Variants in OSBPL8 observed in about 807,000 individuals in gnomAD.
OSBPL8 encodes oxysterol binding protein like 8, also known as oxysterol-binding protein-related protein 8.
Under a neutral mutation model 125.5 loss-of-function variants are expected in OSBPL8, and 59 were observed. The observed-to-expected ratio is 0.47, with a 90% confidence interval of 0.38 to 0.58. The LOEUF (loss-of-function observed/expected upper bound fraction) is 0.58. Among genes scored for constraint, OSBPL8 ranks in the 20% least tolerant of loss-of-function variants. The pLI is 0.00. For synonymous variants in OSBPL8, 330 were observed against 338.9 expected, an observed-to-expected ratio of 0.97 and a Z score of 0.29; for missense variants, 758 against 1,047.8, an observed-to-expected ratio of 0.72 and a Z score of 3.82.
At position 76,550,739 on chromosome 12, in the gene OSBPL8, GAAGA is replaced by G. The variant is rs1446839994; in HGVS notation, c.-68+8654_-68+8657del. On this transcript the variant is annotated intron_variant, in intron 1 of 23. Transcript: ENST00000261183. ...AATAAAAAGTACAGCTACTGGTTTA[GAAGA>G]AATAATCACAAGGTAATAAATGGAA... 5.9e-5 allele frequency among the ~76,000 whole-genome samples: 9 copies of G among 152,294 alleles called. No homozygotes were observed. The East Asian group carries it at 1.5e-3, about 26-fold the overall frequency.
chr12:76,471,036 A>G (rs937051897), intron 2 of OSBPL8, among the ~76,000 whole-genome samples: 2 of 152,178 alleles, frequency 1.3e-5, no homozygotes, highest in African/African-American at 2.4e-5. Flanking sequence ...AGATGAGTTT[A>G]TAACCCAAAA....
At chr12:76,532,454 T>C (rs557144755) in intron 1 of OSBPL8, among the ~76,000 whole-genome samples, 21 of 152,322 alleles carry the variant, frequency 1.4e-4, no homozygotes, top group African/African-American at 5.1e-4. Context: ...AATGAATGCT[T>C]ATATGTATTA....
Position 76,390,614 on chromosome 12 carries a change from C to G in OSBPL8, c.973G>C (p.Asp325His). ...EIERQHFKDQ[D>H]MYSDKSDKEN... ...TTATCAGATTTATCAGAATACATAT[C>G]TTGGTCCTTAAAATGTTGTCGTTCA... Residue 325 changes from aspartate (D) to histidine (H), a missense_variant, in exon 11 of 24, where the codon GAT becomes CAT. By Grantham distance (81) the Asp-to-His change is moderately conservative. Coordinates refer to ENST00000261183, the MANE Select transcript of OSBPL8 (RefSeq NM_020841.5). The G allele has an allele frequency of 6.2e-7, 1 of 1,613,478 alleles. No homozygotes were observed. Among genetic ancestry groups the G allele is most frequent in the Non-Finnish European group, 8.5e-7 (1 of 1,179,704 alleles).
At chr12:76,521,759 CAG>C (rs1344996897) in intron 1 of OSBPL8, among the ~76,000 whole-genome samples, 1 of 152,022 alleles carries the variant, frequency 6.6e-6, no homozygotes, top group African/African-American at 2.4e-5. Flanking sequence ...ATTGTAGAGA[CAG>C]AAAGTGGAAT....
At chr12:76,384,189 A>T (rs1953189461) in intron 15 of OSBPL8, 65 bp downstream of exon 15, 2 of 957,044 alleles carry the variant, frequency 2.1e-6, no homozygotes, top group Non-Finnish European at 3.1e-6. Flanking sequence ...ACACTGCCTA[A>T]ATAAAAGCTC....
rs141403167 is a variant in OSBPL8 at position 76,466,757 on chromosome 12, G to A, written c.43-6862C>T. On this transcript the variant is annotated intron_variant, in intron 2 of 23. Coordinates refer to ENST00000261183, the MANE Select transcript of OSBPL8 (RefSeq NM_020841.5). ...GTGGATCATTTGAGGTCAGGAGTTC[G>A]AGAACAGCCTGGCCAACCTGGTGAA... Among the ~76,000 whole-genome samples, 445 of 152,148 alleles carry A rather than the reference G, an allele frequency of 2.9e-3. 2 individuals are homozygous for A. The highest frequency in any genetic ancestry group is 0.01 in the African/African-American group (428 of 41,516).
At chr12:76,444,422 G>T (rs1409848344) in intron 4 of OSBPL8, among the ~76,000 whole-genome samples, 1 of 152,092 alleles carries the variant, frequency 6.6e-6, no homozygotes, top group African/African-American at 2.4e-5. Context: ...TTACAAAAGA[G>T]AACAGATTTA....
intron 9 of OSBPL8, among the ~76,000 whole-genome samples, chr12:76,393,464 A>G (rs1446586400): frequency 3.3e-5 from 5 of 152,084 alleles, no homozygotes; most frequent in Non-Finnish European, 7.4e-5. Context: ...TAATCCCAGC[A>G]CTTTGGGAGG....
intron 2 of OSBPL8, among the ~76,000 whole-genome samples, chr12:76,471,807 A>C: frequency 6.6e-6 from 1 of 152,250 alleles, no homozygotes; most frequent in East Asian, 1.9e-4. Context: ...CACTTCTTCA[A>C]ACATACCATG....
intron 1 of OSBPL8, among the ~76,000 whole-genome samples, chr12:76,504,876 T>C (rs1343011240): frequency 6.6e-6 from 1 of 152,160 alleles, no homozygotes; most frequent in Non-Finnish European, 1.5e-5. Context: ...TTTTGAGATG[T>C]CTTTTCAGGC....
intron 1 of OSBPL8, among the ~76,000 whole-genome samples, chr12:76,513,821 T>C (rs1388282313): frequency 1.3e-5 from 2 of 150,762 alleles, no homozygotes; most frequent in Non-Finnish European, 2.9e-5. Context: ...AGCCTATGAG[T>C]GTCATTACAT....
At chr12:76,366,946 C>A (rs11613518) in intron 21 of OSBPL8, among the ~76,000 whole-genome samples, 27,804 of 151,960 alleles carry the variant, frequency 0.18, 2,695 homozygotes, top group Middle Eastern at 0.25. Context: ...TACTGAGACA[C>A]GTCATATGGC....
At position 76,373,324 on chromosome 12, in the gene OSBPL8, C is replaced by A. The variant is rs376801620; in HGVS notation, c.1917+20G>T. The stretch of plus-strand genomic sequence containing the variant: ...ACAGAATAAAATTCTTTTTGTAAAG[C>A]TCATATACAAAATACTTACCCAATG... On this transcript the variant is annotated intron_variant, in intron 18 of 23. Transcript: ENST00000261183. 1 of 1,448,476 alleles carries A rather than the reference C, an allele frequency of 6.9e-7. No individual in the cohort carries two copies. The highest frequency in any genetic ancestry group is 9.5e-7 in the Non-Finnish European group (1 of 1,054,076). 89.7% of individuals were successfully genotyped at this position (1,448,476 alleles called of 1,614,324 possible).
chr12:76,392,030 T>C (rs964783566), intron 10 of OSBPL8, among the ~76,000 whole-genome samples: 9 of 152,290 alleles, frequency 5.9e-5, no homozygotes, highest in Middle Eastern at 3.4e-3. Context: ...CCAGTTTCCT[T>C]GGAGAAATGC....
At position 76,530,372 on chromosome 12, in the gene OSBPL8, G is replaced by A. The variant is rs564219170; in HGVS notation, c.-68+29025C>T. ...CACACCCAGCCACCACAAGGTTTTT[G>A]TATCTGCTGTTCTTTGCCTAAAACA... On this transcript the variant is annotated intron_variant, in intron 1 of 23. Transcript: ENST00000261183. Among the ~76,000 whole-genome samples the A allele has an allele frequency of 3.3e-5, 5 of 151,836 alleles. No homozygotes were observed. The South Asian group carries it at 1.0e-3, about 32-fold the overall frequency.
chr12:76,477,229 A>C (rs532707107), intron 2 of OSBPL8, among the ~76,000 whole-genome samples: 85 of 152,312 alleles, frequency 5.6e-4, no homozygotes, highest in Non-Finnish European at 1.1e-3. Context: ...TTATACTCTT[A>C]GAAACTGTTG....
chr12:76,537,623 A>G (rs1265183409), intron 1 of OSBPL8, among the ~76,000 whole-genome samples: 1 of 152,164 alleles, frequency 6.6e-6, no homozygotes, highest in Non-Finnish European at 1.5e-5. Context: ...ATTAAAGGAC[A>G]ACAGGCCAGG....
intron 1 of OSBPL8, among the ~76,000 whole-genome samples, chr12:76,506,413 A>G (rs907854285): frequency 6.6e-6 from 1 of 152,218 alleles, no homozygotes; most frequent in Non-Finnish European, 1.5e-5. Context: ...ATTTAAAACC[A>G]TAACATTGAA....
At chr12:76,396,928 C>T (rs1953831246) in intron 8 of OSBPL8, among the ~76,000 whole-genome samples, 1 of 152,044 alleles carries the variant, frequency 6.6e-6, no homozygotes, top group Admixed American at 6.6e-5. Flanking sequence ...GATCCTCCCA[C>T]CGCAGACTCC....
Sources: gnomAD v4.1 joint callset for allele counts (sites outside exome capture counted in the v4.1 genomes callset) on GRCh38, gnomAD v4.1.1 for gene constraint, MANE v1.5 for transcripts, NCBI Gene and HGNC (gene_info 2026-07-23, HGNC 2026-07-21) for gene names.